Variants in KCNN2 observed in about 807,000 individuals in gnomAD.
KCNN2 encodes the protein small conductance calcium-activated potassium channel protein 2.
In KCNN2, 24 loss-of-function variants were observed where a neutral mutation model predicts 55.5. That is an observed-to-expected ratio of 0.43 (90% CI 0.31 to 0.61). The LOEUF is 0.61. KCNN2 is among the 20% of genes least tolerant of loss of function. The pLI is 0.08. For synonymous variants in KCNN2, 431 were observed against 336.1 expected (o/e 1.28, Z -3.09); for missense variants, 754 against 853.6 (o/e 0.88, Z 1.45).
intron 5 of KCNN2, chr5:114,486,760 T>TA (rs574199054): frequency 0.021 from 21,185 of 1,000,786 alleles, 1 homozygote; most frequent in Non-Finnish European, 0.023. Context: ...ACCCCTTGAT[T>TA]AAAAAAAAAA....
At chr5:114,062,965 T>C (rs1382794152) in intron 1 of KCNN2, among the ~76,000 whole-genome samples, 1 of 152,224 alleles carries the variant, frequency 6.6e-6, no homozygotes. Flanking sequence ...ATTTTTGCTA[T>C]AAATTCCCAT....
chr5:114,393,970 A>G (rs60116303), intron 2 of KCNN2, among the ~76,000 whole-genome samples: 4,239 of 111,128 alleles, frequency 0.038, 173 homozygotes, highest in African/African-American at 0.16. Flanking sequence ...TGCAACAAAT[A>G]ATCATGTACA....
chr5:114,463,474 G>T (rs1278338290), intron 4 of KCNN2, among the ~76,000 whole-genome samples: 1 of 152,232 alleles, frequency 6.6e-6, no homozygotes, highest in East Asian at 1.9e-4. Context: ...TCAGAATCAG[G>T]AAGTCCTTTA....
At chr5:114,216,852 T>A (rs1383281297) in intron 1 of KCNN2, among the ~76,000 whole-genome samples, 1 of 152,084 alleles carries the variant, frequency 6.6e-6, no homozygotes, top group Non-Finnish European at 1.5e-5. Flanking sequence ...GATGACGTGA[T>A]TATCTATGCA....
In KCNN2 at chr5:114,314,014, C is replaced by G. The variant is rs565102686; in HGVS notation, c.-184-46931C>G. ...ATGAACGTTTCTTTTTCGGTTTGAT[C>G]AACAGCTTTGGCACAGGGAGTAGCA... On this transcript the variant is annotated intron_variant, in intron 2 of 10. Coordinates refer to the KCNN2 transcript ENST00000512097. 2.2e-4 allele frequency among the ~76,000 whole-genome samples: 34 copies of G among 152,094 alleles called. No individual in the cohort carries two copies. The South Asian group carries it at 6.2e-3, about 28-fold the overall frequency.
chr5:114,468,898 G>C (rs1388748396), intron 4 of KCNN2, among the ~76,000 whole-genome samples: 1 of 152,090 alleles, frequency 6.6e-6, no homozygotes, highest in Non-Finnish European at 1.5e-5. Context: ...TGCAGGATCA[G>C]CATAAGTAGA....
rs191744114 is a variant in KCNN2, at chr5:114,163,345, G to T, written c.-270-58135G>T. On this transcript the variant is annotated intron_variant, in intron 1 of 10. Coordinates refer to the KCNN2 transcript ENST00000512097. ...ATACTATGTTGAATAGGAGTGGTGA[G>T]AAAGGGCATCCTTGTGGCAATTTTC... is the stretch of plus-strand genomic sequence containing the variant. 1.6e-4 allele frequency among the ~76,000 whole-genome samples: 24 copies of T among 152,258 alleles called. No homozygotes were observed. In the East Asian group the frequency reaches 4.3e-3, roughly 27 times the overall value.
chr5:114,131,021 T>A (rs529884248), intron 1 of KCNN2, among the ~76,000 whole-genome samples: 1 of 152,294 alleles, frequency 6.6e-6, no homozygotes, highest in East Asian at 1.9e-4. Context: ...CATCCAAAAG[T>A]AAATAGAAAA....
At chr5:114,330,858 T>C (rs1580726477) in intron 2 of KCNN2, among the ~76,000 whole-genome samples, 1 of 152,196 alleles carries the variant, frequency 6.6e-6, no homozygotes, top group Non-Finnish European at 1.5e-5. Context: ...CCAGATGGGA[T>C]GACCTTGACT....
intron 2 of KCNN2, among the ~76,000 whole-genome samples, chr5:114,391,371 ATAT>A (rs1466600293): frequency 2.0e-5 from 3 of 152,078 alleles, no homozygotes; most frequent in Non-Finnish European, 2.9e-5. Flanking sequence ...TGTAAGGTTG[ATAT>A]TATTTTTATT....
At chr5:114,294,904 A>G (rs1176976188) in intron 2 of KCNN2, among the ~76,000 whole-genome samples, 1 of 152,154 alleles carries the variant, frequency 6.6e-6, no homozygotes, top group Non-Finnish European at 1.5e-5. Flanking sequence ...TTCTTGTTGA[A>G]TTGATCCCTT....
At chr5:114,152,100 G>A (rs917310178) in intron 1 of KCNN2, among the ~76,000 whole-genome samples, 1 of 152,032 alleles carries the variant, frequency 6.6e-6, no homozygotes, top group Non-Finnish European at 1.5e-5. Context: ...AGATGTTATG[G>A]ATGAGAATAA....
At chr5:114,412,231 G>C (rs1354560016) in intron 3 of KCNN2, among the ~76,000 whole-genome samples, 2 of 152,140 alleles carry the variant, frequency 1.3e-5, no homozygotes, top group Admixed American at 1.3e-4. Context: ...TGTACATACT[G>C]ATTTAAAATG....
Position 114,478,992 on chromosome 5 carries a change from A to C in KCNN2, c.1890+5828A>C, listed in dbSNP as rs145872680. On this transcript the variant is annotated intron_variant, in intron 5 of 7. Transcript: ENST00000673685. ...ACACTATGAAGCAACCAAATAAGCA[A>C]CTCTTCAAAATAACCAGCTAGCATC... 5.3e-3 allele frequency among the ~76,000 whole-genome samples: 806 copies of C among 152,204 alleles called. 28 individuals carry two copies. The highest frequency in any genetic ancestry group is 0.047 in the Admixed American group (715 of 15,276).
chr5:114,384,641 G>C (rs1758222312), intron 2 of KCNN2, among the ~76,000 whole-genome samples: 1 of 152,132 alleles, frequency 6.6e-6, no homozygotes, highest in African/African-American at 2.4e-5. Context: ...AAGATCTCTG[G>C]TAATCTTTAT....
intron 2 of KCNN2, among the ~76,000 whole-genome samples, chr5:114,224,292 C>T (rs1258628611): frequency 1.3e-5 from 2 of 152,104 alleles, no homozygotes; most frequent in African/African-American, 4.8e-5. Context: ...ATTATTTCAT[C>T]AGAGATATGT....
chr5:114,454,334 C>T (rs948434814), intron 3 of KCNN2, among the ~76,000 whole-genome samples: 1 of 151,972 alleles, frequency 6.6e-6, no homozygotes, highest in Non-Finnish European at 1.5e-5. Flanking sequence ...AAATCAGATT[C>T]AAGTGTGTGC....
At chr5:114,410,591 AT>A (rs1438899683) in intron 3 of KCNN2, among the ~76,000 whole-genome samples, 2 of 152,170 alleles carry the variant, frequency 1.3e-5, no homozygotes, top group Admixed American at 1.3e-4. Context: ...TGGATTCAAA[AT>A]AATGTTTCTG....
chr5:114,367,100 GA>G (rs1757623435), intron 2 of KCNN2, among the ~76,000 whole-genome samples: 1 of 152,148 alleles, frequency 6.6e-6, no homozygotes, highest in South Asian at 2.1e-4. Context: ...GAGAACCTTG[GA>G]AAGCAGATCC....
Sources: gnomAD v4.1 joint callset for allele counts (sites outside exome capture counted in the v4.1 genomes callset) on GRCh38, gnomAD v4.1.1 for gene constraint, MANE v1.5 for transcripts, NCBI Gene and HGNC (gene_info 2026-07-23, HGNC 2026-07-21) for gene names.